Variants in CHST11 observed in about 807,000 individuals in gnomAD.
The protein encoded by CHST11 is carbohydrate sulfotransferase 11, also known as C4S-1.
A neutral mutation model predicts 30.4 loss-of-function variants in CHST11; 9 were observed. The observed-to-expected ratio is 0.30, with a 90% CI of 0.18 to 0.52. The LOEUF is 0.52. Ranked by LOEUF, CHST11 falls within the 20% of genes least tolerant of loss-of-function variation. The pLI is 0.97. For synonymous variants in CHST11, 152 were observed against 187.8 expected (o/e 0.81, Z 1.56); for missense variants, 348 against 460.6 (o/e 0.76, Z 2.24).
At chr12:104,619,582 G>T (rs1461674044) in intron 2 of CHST11, among the ~76,000 whole-genome samples, 1 of 152,158 alleles carries the variant, frequency 6.6e-6, no homozygotes, top group African/African-American at 2.4e-5. Context: ...ACAGGAATCA[G>T]AATGATTCGG....
chr12:104,587,891 G>T (rs2038821175), intron 1 of CHST11, among the ~76,000 whole-genome samples: 1 of 106,390 alleles, frequency 9.4e-6, no homozygotes, highest in African/African-American at 4.0e-5. Context: ...CCGGGCTGGA[G>T]GAGATTAGGT....
chr12:104,644,525 G>C (rs901042022), intron 2 of CHST11, among the ~76,000 whole-genome samples: 1 of 152,248 alleles, frequency 6.6e-6, no homozygotes, highest in African/African-American at 2.4e-5. Context: ...TGCAGCTGGC[G>C]TGGTGCTGCC....
chr12:104,697,685 C>G lies in CHST11; in HGVS notation c.205-59264C>G, dbSNP rs577111230. ...TTGTATTTCTTCCCAACTAAGTGGC[C>G]TCTCCATTGAAAAAAATAAGAAAAT... On this transcript the variant is annotated intron_variant, in intron 2 of 2. Transcript: ENST00000303694. Among the ~76,000 whole-genome samples, 114 of 152,252 alleles carry G rather than the reference C, an allele frequency of 7.5e-4. 1 individual carries two copies. Among genetic ancestry groups the G allele is most frequent in the Non-Finnish European group, 2.5e-4 (17 of 68,020 alleles).
At chr12:104,603,027 G>T (rs1384809034) in intron 2 of CHST11, among the ~76,000 whole-genome samples, 1 of 152,140 alleles carries the variant, frequency 6.6e-6, no homozygotes, top group Admixed American at 6.5e-5. Context: ...CTCATGCCCT[G>T]TCTTGAGGTG....
intron 2 of CHST11, among the ~76,000 whole-genome samples, chr12:104,621,852 GCTT>G (rs1410290916): frequency 6.6e-6 from 1 of 152,220 alleles, no homozygotes; most frequent in African/African-American, 2.4e-5. Context: ...TTGGAGCTAA[GCTT>G]CCCTCTCCCA....
intron 1 of CHST11, among the ~76,000 whole-genome samples, chr12:104,491,460 CTTCTT>C (rs747797365): frequency 1.3e-5 from 2 of 151,848 alleles, no homozygotes; most frequent in African/African-American, 2.4e-5. Context: ...TCTTCTTCTT[CTTCTT>C]TTCTTTTCTT....
At chr12:104,517,312 C>T (rs976151269) in intron 1 of CHST11, among the ~76,000 whole-genome samples, 2 of 152,132 alleles carry the variant, frequency 1.3e-5, no homozygotes, top group Non-Finnish European at 2.9e-5. Context: ...GTCTTGAAGC[C>T]GATTTAATCC....
chr12:104,467,202 G>A (rs2037468043), intron 1 of CHST11, among the ~76,000 whole-genome samples: 1 of 152,224 alleles, frequency 6.6e-6, no homozygotes, highest in Admixed American at 6.5e-5. Flanking sequence ...GAGGATACCT[G>A]CCTGAGTTTC....
intron 1 of CHST11, among the ~76,000 whole-genome samples, chr12:104,499,685 CA>C (rs1039325172): frequency 6.7e-6 from 1 of 150,006 alleles, no homozygotes; most frequent in East Asian, 1.9e-4. Context: ...GAGTTCACAC[CA>C]AAAAAAAAGA....
chr12:104,761,314 AG>A lies in CHST11; in HGVS notation c.*3515del, dbSNP rs2040522903. The A allele has an allele frequency of 6.6e-6, 1 of 152,338 alleles. No homozygotes were observed. Among genetic ancestry groups the A allele is most frequent in the Admixed American group, 6.5e-5 (1 of 15,288 alleles). 9.4% of individuals were successfully genotyped at this position (152,338 alleles called of 1,614,324 possible). A position where few individuals can be genotyped will look rare whatever the true frequency, so the allele number is the denominator to read the frequency against. On this transcript the variant is annotated 3_prime_UTR_variant, in exon 3 of 3. Transcript: ENST00000303694. Reference sequence around the variant, plus strand: ...TCCTGGTGGCAAAGGCATGAAGCACAGGGGTCGATTAATCCAGGCTACTAGA... The same window carrying A: ...TCCTGGTGGCAAAGGCATGAAGCACAGGGTCGATTAATCCAGGCTACTAGA...
chr12:104,701,495 C>T (rs1384302089), intron 2 of CHST11, among the ~76,000 whole-genome samples: 1 of 152,014 alleles, frequency 6.6e-6, no homozygotes, highest in Non-Finnish European at 1.5e-5. Flanking sequence ...ACCTCCAGTA[C>T]GAGAGGCCCA....
chr12:104,696,482 CAAAAAAAAA>C (rs10602668), intron 2 of CHST11, among the ~76,000 whole-genome samples: 2 of 69,138 alleles, frequency 2.9e-5, no homozygotes, highest in Non-Finnish European at 5.0e-5. Context: ...GCTAAAAATA[CAAAAAAAAA>C]AAAAAAAAAA....
intron 1 of CHST11, among the ~76,000 whole-genome samples, chr12:104,493,551 G>A (rs989428567): frequency 1.1e-4 from 16 of 152,306 alleles, no homozygotes; most frequent in African/African-American, 3.1e-4. Context: ...TAGTGTATGC[G>A]AATGTGTGTC....
intron 1 of CHST11, among the ~76,000 whole-genome samples, chr12:104,529,749 C>T (rs76430142): frequency 2.0e-5 from 3 of 152,114 alleles, no homozygotes; most frequent in South Asian, 2.1e-4. Flanking sequence ...ACAACATGAC[C>T]GAAAAGTTAC....
intron 2 of CHST11, among the ~76,000 whole-genome samples, chr12:104,637,375 T>C (rs977851411): frequency 1.5e-5 from 2 of 129,696 alleles, no homozygotes; most frequent in African/African-American, 5.9e-5. Flanking sequence ...TTAGGAGATA[T>C]ACCTAATGCT....
intron 1 of CHST11, among the ~76,000 whole-genome samples, chr12:104,484,683 G>A (rs990698473): frequency 2.3e-4 from 35 of 152,228 alleles, no homozygotes; most frequent in African/African-American, 6.8e-4. Context: ...CCTAGTGGAG[G>A]ATCAGATATT....
intron 2 of CHST11, among the ~76,000 whole-genome samples, chr12:104,635,639 A>G (rs1366871114): frequency 6.6e-6 from 1 of 152,242 alleles, no homozygotes; most frequent in Non-Finnish European, 1.5e-5. Flanking sequence ...CTGTAGCCAC[A>G]TCTGCCATCT....
intron 1 of CHST11, among the ~76,000 whole-genome samples, chr12:104,565,086 C>T (rs1407795832): frequency 1.3e-5 from 2 of 151,932 alleles, no homozygotes; most frequent in African/African-American, 2.4e-5. Flanking sequence ...GTATTATTTT[C>T]CCCCCAATAA....
At chr12:104,594,279 C>T (rs1269240017) in intron 1 of CHST11, among the ~76,000 whole-genome samples, 2 of 152,152 alleles carry the variant, frequency 1.3e-5, no homozygotes, top group Non-Finnish European at 2.9e-5. Context: ...GCAGGGTGAC[C>T]AGACGAGGGC....
Sources: allele counts gnomAD v4.1 joint callset (sites outside exome capture counted in the v4.1 genomes callset), GRCh38; gene constraint gnomAD v4.1.1; transcripts MANE v1.5; gene names NCBI Gene and HGNC (gene_info 2026-07-23, HGNC 2026-07-21).